The following FANCD2 variants were observed in gnomAD, a reference collection of about 807,000 sequenced individuals.
FANCD2 encodes FA complementation group D2, also known as Fanconi anemia group D2 protein.
FANCD2 carries 131 observed loss-of-function variants against 192.3 expected under a neutral mutation model. The observed-to-expected ratio is 0.68, with a 90% confidence interval of 0.59 to 0.79. FANCD2 has a LOEUF of 0.79. FANCD2 is among the 30% of genes least tolerant of loss of function. FANCD2 has a pLI of 0.00. For synonymous variants in FANCD2, 524 were observed against 612.5 expected, an observed-to-expected ratio of 0.86 and a Z score of 2.13; for missense variants, 1,508 against 1,701.6, an observed-to-expected ratio of 0.89 and a Z score of 2.00.
chr3:10,055,474 A>G (rs1256148680), intron 18 of FANCD2, among the ~76,000 whole-genome samples: 4 of 152,112 alleles, frequency 2.6e-5, no homozygotes, highest in Non-Finnish European at 4.4e-5. Flanking sequence ...AGGTTCATGT[A>G]GGTTGTAGCA....
At chr3:10,042,967 G>GAGA in intron 11 of FANCD2, 83 bp from the exon 12 acceptor site, 1 of 1,224,954 alleles carries the variant, frequency 8.2e-7, no homozygotes, top group East Asian at 2.3e-5. Flanking sequence ...AGTCTTTCAG[G>GAGA]AGATTGTCAT....
chr3:10,034,119 C>T lies in FANCD2; in HGVS notation c.206-350C>T, dbSNP rs973754055. On this transcript the variant is annotated intron_variant, in intron 3 of 43. Transcript: ENST00000675286. ...AGGGTGGATCACGAGGTCAGGAAAT[C>T]GAGACCATCCTGGCTAACACAGTGA... Among the ~76,000 whole-genome samples the T allele has an allele frequency of 4.0e-5, 6 of 150,068 alleles. No homozygotes were observed. The East Asian group carries it at 8.1e-4, about 20-fold the overall frequency.
chr3:10,053,218 G>A (rs1168486109), intron 18 of FANCD2, among the ~76,000 whole-genome samples: 1 of 150,740 alleles, frequency 6.6e-6, no homozygotes, highest in East Asian at 1.9e-4. Context: ...ATGAGTTCAT[G>A]TCCTTTGTAG....
chr3:10,101,630 G>C lies in FANCD2; in HGVS notation c.*368G>C. ...AATCTCCTGAACTCATGATCCACCTGCCTCAGCCTCCCAAAGTGCTGGGAT... is the reference window on the plus strand; with the variant it reads ...AATCTCCTGAACTCATGATCCACCTCCCTCAGCCTCCCAAAGTGCTGGGAT... On this transcript the variant is annotated 3_prime_UTR_variant, in exon 44 of 44. Transcript: ENST00000675286. 1 of 319,622 alleles carries C rather than the reference G, an allele frequency of 3.1e-6. No homozygotes were observed. Among genetic ancestry groups the C allele is most frequent in the South Asian group, 4.0e-5 (1 of 25,262 alleles). 19.8% of individuals were successfully genotyped at this position (319,622 alleles called of 1,614,324 possible). A position where few individuals can be genotyped will look rare whatever the true frequency, so the allele number is the denominator to read the frequency against.
At chr3:10,069,260 A>ACAAGGGACTAATAACTG (rs146432643) in intron 26 of FANCD2, among the ~76,000 whole-genome samples, 5,721 of 152,062 alleles carry the variant, frequency 0.038, 374 homozygotes, top group African/African-American at 0.13. Context: ...TATGTATCTG[A>ACAAGGGACTAATAACTG]CAAGGGACTA....
At chr3:10,067,536 G>A (rs34829085) in intron 26 of FANCD2, among the ~76,000 whole-genome samples, 36 of 152,272 alleles carry the variant, frequency 2.4e-4, no homozygotes, top group Admixed American at 1.4e-3. Flanking sequence ...GGTGGCTCAC[G>A]CCTGTAATCC....
Position 10,101,435 on chromosome 3 carries a change from G to A in FANCD2, c.*173G>A. ...GGGACTCGCTGTGTTTCCCAGGCTG[G>A]AGTGCAGTGCTGCAATCTTGGCTCA... On this transcript the variant is annotated 3_prime_UTR_variant, in exon 44 of 44. Coordinates refer to ENST00000675286, the MANE Select transcript of FANCD2 (RefSeq NM_001018115.3). 1 of 572,162 alleles carries A rather than the reference G, an allele frequency of 1.7e-6. No homozygotes were observed. Among genetic ancestry groups the A allele is most frequent in the Non-Finnish European group, 3.1e-6 (1 of 324,160 alleles). The allele number at this position is 572,162 out of a possible 1,614,324, so 35.4% of individuals were successfully genotyped here. A position where few individuals can be genotyped will look rare whatever the true frequency, so the allele number is the denominator to read the frequency against.
rs34115008 is a variant in FANCD2, at chr3:10,033,698, C to CTTT, written c.205+744_205+746dup. On this transcript the variant is annotated intron_variant, in intron 3 of 43. Coordinates refer to ENST00000675286, the MANE Select transcript of FANCD2 (RefSeq NM_001018115.3). ...TGGCTATCTGCTATCAAAGCTAAGT[C>CTTT]TTTTTTTTTTTTTTTTTTTTGAGAC... 2.8e-3 allele frequency among the ~76,000 whole-genome samples: 254 copies of CTTT among 89,324 alleles called. 4 individuals are homozygous for CTTT. Among genetic ancestry groups the CTTT allele is most frequent in the African/African-American group, 3.7e-3 (79 of 21,126 alleles). 58.6% of individuals were successfully genotyped at this position (89,324 alleles called of 152,430 possible).
rs185714261 is a variant in FANCD2, at chr3:10,056,003, T to G, written c.1656+3506T>G. Among the ~76,000 whole-genome samples the G allele has an allele frequency of 2.5e-3, 373 of 152,158 alleles. 2 individuals are homozygous for G. The highest frequency in any genetic ancestry group is 3.8e-3 in the Non-Finnish European group (258 of 67,964). Reference sequence around the variant, plus strand: ...AAGCAGTTCTCTTGCCTCAGCCTCCTGAGTAGCTGGGATTATAGGCACGCA... The same window carrying G: ...AAGCAGTTCTCTTGCCTCAGCCTCCGGAGTAGCTGGGATTATAGGCACGCA... On this transcript the variant is annotated intron_variant, in intron 18 of 43. Coordinates refer to ENST00000675286, the MANE Select transcript of FANCD2 (RefSeq NM_001018115.3).
intron 26 of FANCD2, among the ~76,000 whole-genome samples, chr3:10,067,740 G>C (rs989699326): frequency 6.6e-5 from 10 of 152,210 alleles, no homozygotes; most frequent in African/African-American, 2.4e-4. Context: ...GGAGGTTGCA[G>C]TGAGCCAAGA....
At chr3:10,064,664 G>A (rs55804747) in intron 22 of FANCD2, 65 bp from the exon 23 acceptor site, 1 of 1,565,034 alleles carries the variant, frequency 6.4e-7, no homozygotes, top group African/African-American at 1.4e-5. Context: ...GTTTGCTCTA[G>A]TGGTTTTCCC....
chr3:10,100,763 A>G (rs139954082), intron 43 of FANCD2, among the ~76,000 whole-genome samples: 1 of 152,256 alleles, frequency 6.6e-6, no homozygotes, highest in East Asian at 1.9e-4. Flanking sequence ...GGAGGACCAT[A>G]GCTTATTTAA....
At chr3:10,039,106 C>T (rs1478880291) in intron 7 of FANCD2, among the ~76,000 whole-genome samples, 173 bp from the exon 8 acceptor site, 1 of 152,142 alleles carries the variant, frequency 6.6e-6, no homozygotes, top group Non-Finnish European at 1.5e-5. Flanking sequence ...CATACGTAAG[C>T]ATGTATCTCC....
chr3:10,088,668 GAACACAATTTGGAACATGTGGATCTT>G (rs1694388202), intron 35 of FANCD2, 126 bp downstream of exon 35: 3 of 1,090,024 alleles, frequency 2.8e-6, no homozygotes, highest in Non-Finnish European at 4.2e-6. Context: ...GGTTAAAAAT[GAACACAATTTGGAACATGTGGATCTT>G]AAGATCCTCT....
intron 1 of FANCD2, among the ~76,000 whole-genome samples, chr3:10,026,835 G>T (rs2124957007): frequency 6.6e-6 from 1 of 152,258 alleles, no homozygotes; most frequent in East Asian, 1.9e-4. Context: ...GGCTGATAAT[G>T]GTTATCCGTA....
At chr3:10,029,343 T>A (rs1054513786) in intron 2 of FANCD2, among the ~76,000 whole-genome samples, 4 of 151,998 alleles carry the variant, frequency 2.6e-5, no homozygotes, top group Admixed American at 1.3e-4. Context: ...CTACAAAAAA[T>A]TTTTTTAATT....
At chr3:10,071,958 C>T (rs1693276295) in intron 26 of FANCD2, among the ~76,000 whole-genome samples, 1 of 152,026 alleles carries the variant, frequency 6.6e-6, no homozygotes, top group African/African-American at 2.4e-5. Context: ...TGGGGTTTCA[C>T]CGTGTTGGCC....
intron 26 of FANCD2, among the ~76,000 whole-genome samples, chr3:10,072,258 A>C (rs1362245223): frequency 2.0e-5 from 3 of 151,432 alleles, no homozygotes; most frequent in Non-Finnish European, 4.4e-5. Context: ...CATGTGCGCC[A>C]TAAATATATA....
intron 43 of FANCD2, chr3:10,099,277 T>C (rs1419737050): frequency 3.9e-6 from 5 of 1,271,542 alleles, no homozygotes; most frequent in East Asian, 3.6e-5. Flanking sequence ...ATAGAAGTTC[T>C]TACGCTTTTT....
Sources: gnomAD v4.1 joint callset for allele counts (sites outside exome capture counted in the v4.1 genomes callset) on GRCh38, gnomAD v4.1.1 for gene constraint, MANE v1.5 for transcripts, NCBI Gene and HGNC (gene_info 2026-07-23, HGNC 2026-07-21) for gene names.